The following SOX5 variants were observed in gnomAD, a reference collection of about 807,000 sequenced individuals.
SOX5 encodes SRY-box transcription factor 5.
In SOX5, 9 loss-of-function variants were observed where a neutral mutation model predicts 92.0. That is an observed-to-expected ratio of 0.10 (90% CI 0.06 to 0.17). The LOEUF is 0.17. Among genes scored for constraint, SOX5 ranks in the 10% least tolerant of loss-of-function variants. SOX5 has a pLI of 1.00. For synonymous variants in SOX5, 344 were observed against 336.3 expected, an observed-to-expected ratio of 1.02 and a Z score of -0.25; for missense variants, 642 against 944.5, an observed-to-expected ratio of 0.68 and a Z score of 4.20.
intron 4 of SOX5, among the ~76,000 whole-genome samples, chr12:24,105,503 T>C (rs552219164): frequency 6.6e-6 from 1 of 152,292 alleles, no homozygotes; most frequent in Admixed American, 6.5e-5. Context: ...ATCATGCCAC[T>C]GCACTCTGGC....
chr12:23,973,783 C>G (rs1948615154), intron 4 of SOX5, among the ~76,000 whole-genome samples: 1 of 152,320 alleles, frequency 6.6e-6, no homozygotes, highest in South Asian at 2.1e-4. Context: ...AGCTCTGTCT[C>G]TTTCTGTCAG....
At chr12:24,036,926 C>T (rs1231207156) in intron 4 of SOX5, among the ~76,000 whole-genome samples, 4 of 152,088 alleles carry the variant, frequency 2.6e-5, no homozygotes, top group Non-Finnish European at 5.9e-5. Flanking sequence ...ACATTCCATT[C>T]TTATCTCTCT....
intron 1 of SOX5, among the ~76,000 whole-genome samples, chr12:23,932,477 C>A (rs1941660923): frequency 6.6e-6 from 1 of 151,514 alleles, no homozygotes; most frequent in Non-Finnish European, 1.5e-5. Context: ...TTAATGTTAA[C>A]TTTCTTGGAT....
intron 4 of SOX5, among the ~76,000 whole-genome samples, chr12:24,084,398 G>A (rs2137657758): frequency 6.6e-6 from 1 of 152,156 alleles, no homozygotes; most frequent in Non-Finnish European, 1.5e-5. Context: ...TTTATCTCCA[G>A]TGTTAGCTTC....
At chr12:24,000,031 T>C (rs1175058565) in intron 4 of SOX5, among the ~76,000 whole-genome samples, 2 of 151,744 alleles carry the variant, frequency 1.3e-5, no homozygotes, top group Non-Finnish European at 2.9e-5. Flanking sequence ...AAAATAATTA[T>C]AAACCTGTAT....
intron 3 of SOX5, among the ~76,000 whole-genome samples, chr12:23,841,051 T>C (rs1273089351): frequency 6.6e-6 from 1 of 152,096 alleles, no homozygotes; most frequent in Non-Finnish European, 1.5e-5. Context: ...AAACACAAGC[T>C]GCAGACTGGT....
chr12:24,237,686 CTTATT>C (rs1964778099), intron 3 of SOX5: 1 of 151,080 alleles, frequency 6.6e-6, no homozygotes, highest in African/African-American at 2.4e-5. Flanking sequence ...ACATAAAGAA[CTTATT>C]TTGTTTGCTA....
chr12:23,870,558 A>T (rs558350974), intron 2 of SOX5, among the ~76,000 whole-genome samples: 62 of 152,294 alleles, frequency 4.1e-4, no homozygotes, highest in African/African-American at 1.3e-3. Flanking sequence ...ATGTTAGGCT[A>T]TACCAGATAA....
At chr12:24,264,673 T>G (rs1310293786) in intron 3 of SOX5, among the ~76,000 whole-genome samples, 2 of 152,132 alleles carry the variant, frequency 1.3e-5, no homozygotes, top group Non-Finnish European at 2.9e-5. Context: ...GGGGAAAAGG[T>G]GGAAATGCAG....
At chr12:23,990,096 T>C (rs1950428551) in intron 4 of SOX5, among the ~76,000 whole-genome samples, 2 of 151,794 alleles carry the variant, frequency 1.3e-5, no homozygotes, top group African/African-American at 2.4e-5. Flanking sequence ...GGAGTGAAGA[T>C]ATAAAAAGGA....
chr12:23,817,336 C>T (rs1449971588), intron 3 of SOX5, among the ~76,000 whole-genome samples: 1 of 152,184 alleles, frequency 6.6e-6, no homozygotes, highest in Admixed American at 6.5e-5. Context: ...ATCCTCTACT[C>T]TTTAAAGTAA....
chr12:23,968,819 G>C (rs942881506), intron 4 of SOX5, among the ~76,000 whole-genome samples: 1 of 152,098 alleles, frequency 6.6e-6, no homozygotes, highest in Non-Finnish European at 1.5e-5. Context: ...ATTTCTTTGA[G>C]TATTGTTTCT....
intron 4 of SOX5, among the ~76,000 whole-genome samples, chr12:24,106,351 T>C (rs1946665203): frequency 1.3e-5 from 2 of 152,214 alleles, no homozygotes; most frequent in Admixed American, 1.3e-4. Flanking sequence ...AATGGGACTG[T>C]GGATACTTAC....
upstream of SOX5, among the ~76,000 whole-genome samples, chr12:23,951,752 A>C (rs1295578144): frequency 1.3e-5 from 2 of 152,138 alleles, no homozygotes; most frequent in African/African-American, 4.8e-5. Context: ...CCCACCCTGA[A>C]AAAGCTGTTA....
chr12:23,970,825 T>TC lies in SOX5; in HGVS notation c.-1-74802_-1-74801insG, dbSNP rs1491181900. Among the ~76,000 whole-genome samples, 4 of 18,160 alleles carry TC rather than the reference T, an allele frequency of 2.2e-4. 1 individual carries two copies. Among genetic ancestry groups the TC allele is most frequent in the Admixed American group, 6.4e-4 (1 of 1,564 alleles). The allele number at this position is 18,160 out of a possible 152,430, so 11.9% of individuals were successfully genotyped here. On this transcript the variant is annotated intron_variant, in intron 4 of 4. Coordinates refer to the SOX5 transcript ENST00000446891. ...GTGGAATTGCTAGGTCACATGGGAC[T>TC]TTATATATATATATAATTTTTTTTT...
chr12:24,214,537 C>G (rs1959013524), intron 3 of SOX5, among the ~76,000 whole-genome samples: 1 of 152,026 alleles, frequency 6.6e-6, no homozygotes, highest in Non-Finnish European at 1.5e-5. Context: ...ACCAAAATGA[C>G]TACATTATAT....
At chr12:23,605,891 G>T (rs902532093) in intron 8 of SOX5, among the ~76,000 whole-genome samples, 3 of 151,762 alleles carry the variant, frequency 2.0e-5, no homozygotes, top group African/African-American at 7.3e-5. Context: ...AAAACTAAAA[G>T]ACCAGAAAAA....
chr12:24,238,031 C>G (rs1964856179), intron 3 of SOX5: 1 of 152,166 alleles, frequency 6.6e-6, no homozygotes, highest in African/African-American at 2.4e-5. Context: ...GAACAACTCT[C>G]TCTATAATCA....
chr12:24,215,878 A>T (rs922005919), intron 3 of SOX5, among the ~76,000 whole-genome samples: 1 of 152,304 alleles, frequency 6.6e-6, no homozygotes, highest in South Asian at 2.1e-4. Context: ...TAATTAAGAC[A>T]TTAGTGGTAC....
Sources: allele counts gnomAD v4.1 joint callset (sites outside exome capture counted in the v4.1 genomes callset), GRCh38; gene constraint gnomAD v4.1.1; transcripts MANE v1.5; gene names NCBI Gene and HGNC (gene_info 2026-07-23, HGNC 2026-07-21).